The following NLGN1 variants were observed in gnomAD, a reference collection of about 807,000 sequenced individuals.
NLGN1 encodes neuroligin-1.
NLGN1 carries 12 observed loss-of-function variants against 65.5 expected under a neutral mutation model. The ratio of observed to expected loss-of-function variants is 0.18; its 90% CI spans 0.12 to 0.30. The LOEUF (loss-of-function observed/expected upper bound fraction) is 0.30, where lower values mean the gene tolerates loss of function less well. NLGN1 is among the 10% of genes least tolerant of loss of function. NLGN1 has a pLI of 1.00. For synonymous variants in NLGN1, 350 were observed against 359.5 expected (o/e 0.97, Z 0.30); for missense variants, 750 against 1,007.1 (o/e 0.74, Z 3.46).
chr3:173,535,555 AAG>A (rs921667624), intron 2 of NLGN1, among the ~76,000 whole-genome samples: 23 of 152,330 alleles, frequency 1.5e-4, no homozygotes, highest in African/African-American at 5.3e-4. Flanking sequence ...ATATGTAAAA[AAG>A]AGGAAAAAAT....
In NLGN1 at chr3:174,179,721, A is replaced by T. The variant is rs531396186; in HGVS notation, c.647-95594A>T. On this transcript the variant is annotated intron_variant, in intron 4 of 6. Transcript: ENST00000457714. Reference sequence around the variant, plus strand: ...GTATTTTTGAACTCTAGAAAAATTGAATATTTCTGGGGGTTATTACCCCAA... The same window carrying T: ...GTATTTTTGAACTCTAGAAAAATTGTATATTTCTGGGGGTTATTACCCCAA... Among the ~76,000 whole-genome samples the T allele has an allele frequency of 5.6e-4, 85 of 152,276 alleles. 1 individual carries two copies. Among genetic ancestry groups the T allele is most frequent in the Middle Eastern group, 3.4e-3 (1 of 294 alleles).
chr3:173,899,121 A>G (rs1454299792), intron 4 of NLGN1, among the ~76,000 whole-genome samples: 3 of 152,146 alleles, frequency 2.0e-5, no homozygotes, highest in African/African-American at 7.2e-5. Flanking sequence ...TATTCCTTCA[A>G]CTTTTCCTCC....
At chr3:174,101,691 G>A (rs9877929) in intron 4 of NLGN1, among the ~76,000 whole-genome samples, 30 of 152,004 alleles carry the variant, frequency 2.0e-4, no homozygotes, top group East Asian at 1.5e-3. Flanking sequence ...TTGTTTTTCC[G>A]CAGGCCCTCG....
intron 4 of NLGN1, among the ~76,000 whole-genome samples, chr3:173,904,881 T>C (rs1434225446): frequency 1.3e-5 from 2 of 152,206 alleles, no homozygotes; most frequent in Non-Finnish European, 2.9e-5. Flanking sequence ...ACACGCTGAT[T>C]ATACAAGACT....
chr3:173,642,846 A>G (rs1369979388), intron 3 of NLGN1, among the ~76,000 whole-genome samples: 1 of 152,238 alleles, frequency 6.6e-6, no homozygotes, highest in Non-Finnish European at 1.5e-5. Context: ...GTACTTATGT[A>G]TGACCCTTTA....
intron 4 of NLGN1, among the ~76,000 whole-genome samples, chr3:173,970,260 T>C (rs1019456953): frequency 6.6e-6 from 1 of 152,144 alleles, no homozygotes; most frequent in Non-Finnish European, 1.5e-5. Flanking sequence ...CAAGTAAACA[T>C]TAGTGAAGAC....
At chr3:173,471,739 A>G (rs2148928990) in intron 2 of NLGN1, among the ~76,000 whole-genome samples, 1 of 152,192 alleles carries the variant, frequency 6.6e-6, no homozygotes, top group South Asian at 2.1e-4. Context: ...TTTGTTCTTC[A>G]CTGTCCCTCC....
intron 4 of NLGN1, among the ~76,000 whole-genome samples, chr3:174,060,333 T>A (rs1453513243): frequency 6.6e-6 from 1 of 151,992 alleles, no homozygotes. Flanking sequence ...CTTTTCAAGT[T>A]GATGTGAAGA....
At chr3:173,895,500 A>C (rs1736185695) in intron 4 of NLGN1, among the ~76,000 whole-genome samples, 1 of 152,168 alleles carries the variant, frequency 6.6e-6, no homozygotes, top group African/African-American at 2.4e-5. Flanking sequence ...CAGGGTACTC[A>C]GAGAACTCAA....
chr3:173,904,736 C>A (rs572163557), intron 4 of NLGN1, among the ~76,000 whole-genome samples: 1 of 152,214 alleles, frequency 6.6e-6, no homozygotes, highest in Admixed American at 6.5e-5. Context: ...TCTGACCATA[C>A]AAAGATATGT....
chr3:173,661,065 T>C (rs1760855767), intron 3 of NLGN1, among the ~76,000 whole-genome samples: 1 of 151,994 alleles, frequency 6.6e-6, no homozygotes, highest in Admixed American at 6.6e-5. Flanking sequence ...TGTGTGCCAG[T>C]AATCCACTTG....
chr3:173,667,530 G>T (rs1487299135), intron 3 of NLGN1, among the ~76,000 whole-genome samples: 1 of 152,016 alleles, frequency 6.6e-6, no homozygotes, highest in Non-Finnish European at 1.5e-5. Flanking sequence ...TATCTAAATT[G>T]CAGACTTTAA....
Position 173,426,157 on chromosome 3 carries a change from G to GTT in NLGN1, c.-389-8851_-389-8850dup, listed in dbSNP as rs142005684. On this transcript the variant is annotated intron_variant, in intron 1 of 6. Coordinates refer to ENST00000457714, the Ensembl canonical transcript of NLGN1. ...ACTGTTGGAATATAGAAATACTACT[G>GTT]TTTGTTTGTGTCATGATTTAGTATT... Among the ~76,000 whole-genome samples, 1,225 of 151,908 alleles carry GTT rather than the reference G, an allele frequency of 8.1e-3. 23 individuals are homozygous for GTT. The highest frequency in any genetic ancestry group is 0.028 in the African/African-American group (1,147 of 41,408).
At chr3:173,591,021 C>T (rs555521127) in intron 2 of NLGN1, among the ~76,000 whole-genome samples, 4 of 152,126 alleles carry the variant, frequency 2.6e-5, no homozygotes, top group South Asian at 2.1e-4. Context: ...ACAGGTAGAA[C>T]GTGAACAATA....
At chr3:173,795,570 G>A (rs974850181) in intron 3 of NLGN1, among the ~76,000 whole-genome samples, 1 of 151,924 alleles carries the variant, frequency 6.6e-6, no homozygotes, top group Non-Finnish European at 1.5e-5. Context: ...ATTTCAATGG[G>A]TAAAATTCAA....
At chr3:174,268,119 G>T (rs74998724) in intron 4 of NLGN1, among the ~76,000 whole-genome samples, 1 of 152,022 alleles carries the variant, frequency 6.6e-6, no homozygotes, top group African/African-American at 2.4e-5. Flanking sequence ...GTCATGCTTC[G>T]AAGTGCACTA....
At chr3:174,036,179 G>A (rs1036519880) in intron 4 of NLGN1, among the ~76,000 whole-genome samples, 1 of 152,064 alleles carries the variant, frequency 6.6e-6, no homozygotes, top group Non-Finnish European at 1.5e-5. Context: ...AAACAAACTA[G>A]CAAATAGTTT....
intron 4 of NLGN1, among the ~76,000 whole-genome samples, chr3:173,876,301 G>T (rs1010273445): frequency 6.6e-6 from 1 of 152,000 alleles, no homozygotes; most frequent in African/African-American, 2.4e-5. Context: ...CTTAACCACC[G>T]AATATTTATA....
intron 4 of NLGN1, among the ~76,000 whole-genome samples, chr3:174,237,136 T>C (rs1741859182): frequency 6.6e-6 from 1 of 152,100 alleles, no homozygotes; most frequent in African/African-American, 2.4e-5. Context: ...TTAAATAAAG[T>C]CTTTTTTGCT....
Sources: allele counts gnomAD v4.1 joint callset (sites outside exome capture counted in the v4.1 genomes callset), GRCh38; gene constraint gnomAD v4.1.1; transcripts MANE v1.5; gene names NCBI Gene and HGNC (gene_info 2026-07-23, HGNC 2026-07-21).